Variants in CACTIN observed in about 807,000 individuals in gnomAD.
CACTIN encodes cactin, spliceosome C complex subunit, also known as splicing factor Cactin.
CACTIN carries 20 observed loss-of-function variants against 84.9 expected under a neutral mutation model. That is an observed-to-expected ratio of 0.24 (90% CI 0.17 to 0.34). The LOEUF is 0.34. Ranked by LOEUF, CACTIN falls within the 10% of genes least tolerant of loss-of-function variation. The probability of loss-of-function intolerance (pLI) is 1.00; values close to 1 mark genes in which losing one functional copy is unlikely to be tolerated. For missense variants in CACTIN, 897 were observed against 1,117.2 expected, an observed-to-expected ratio of 0.80 and a Z score of 2.81; for synonymous variants, 549 against 467.9, an observed-to-expected ratio of 1.17 and a Z score of -2.24.
intron 8 of CACTIN, 28 bp from the exon 9 acceptor site, chr19:3,613,393 G>A (rs2033020335): frequency 2.6e-6 from 4 of 1,533,780 alleles, no homozygotes; most frequent in Non-Finnish European, 2.6e-6. Context: ...TGGAGGCGCG[G>A]AGGCTGCCCA....
Position 3,615,815 on chromosome 19 carries a change from C to G in CACTIN, c.1163-1226G>C, listed in dbSNP as rs2033094026. On this transcript the variant is annotated intron_variant, in intron 6 of 9. Transcript: ENST00000429344. The surrounding 1 kb of genome is among the most constrained non-coding windows in gnomAD (Gnocchi z 5.2). ...GGATAGAGTCTAGACGGACCCGAGT[C>G]CCCTCCAGCCAATCACCTGGGACCC... is the stretch of plus-strand genomic sequence containing the variant. 6.6e-6 allele frequency: 1 copy of G among 152,198 alleles called. No homozygotes were observed. The highest frequency in any genetic ancestry group is 1.5e-5 in the Non-Finnish European group (1 of 68,066). 9.4% of individuals were successfully genotyped at this position (152,198 alleles called of 1,614,324 possible).
Position 3,610,827 on chromosome 19 carries a change from G to A in CACTIN, c.*1096C>T, listed in dbSNP as rs1337942282. The stretch of plus-strand genomic sequence containing the variant: ...TGGTCTGGGGCTGGTGACTGGTGAG[G>A]TTGGGTGGCCCTCTGGGGGTCCGGG... On this transcript the variant is annotated 3_prime_UTR_variant, in exon 10 of 10. Transcript: ENST00000429344. The A allele has an allele frequency of 2.2e-6, 1 of 456,736 alleles. No homozygotes were observed. The highest frequency in any genetic ancestry group is 2.0e-5 in the African/African-American group (1 of 50,082). The allele number at this position is 456,736 out of a possible 1,614,324, so 28.3% of individuals were successfully genotyped here.
rs1459093992 is a variant in CACTIN, at chr19:3,612,375, G to A, written c.1825C>T (p.Arg609Trp). The change falls in exon 10 of 10, where the codon CGG becomes TGG. Residue 609 changes from arginine to tryptophan, a missense_variant. By Grantham distance (101) the Arg-to-Trp change is moderately radical (BLOSUM62 -3). Around this residue, in one of 8 missense-constraint regions of CACTIN, gnomAD observed 243 missense variants for 239.9 expected, o/e 1.01. Transcript: ENST00000429344. ...SESAEDIFFRRAKEGMGQDEA... is the reference protein window; with the variant it reads ...SESAEDIFFRWAKEGMGQDEA... ...TCCTGGCCCATGCCCTCCTTGGCCC[G>A]CCGGAAGAAGATGTCCTCGGCGCTC... The A allele has an allele frequency of 6.2e-7, 1 of 1,604,996 alleles. No homozygotes were observed.
At position 3,610,846 on chromosome 19, in the gene CACTIN, G is replaced by T. The variant is rs1348752671; in HGVS notation, c.*1077C>A. ...GGTGAGGTTGGGTGGCCCTCTGGGG[G>T]TCCGGGAGGCACTTTCCGTTTTGCT... is the stretch of plus-strand genomic sequence containing the variant. On this transcript the variant is annotated 3_prime_UTR_variant, in exon 10 of 10. Transcript: ENST00000429344. The T allele has an allele frequency of 4.4e-6, 2 of 456,694 alleles. No homozygotes were observed. The highest frequency in any genetic ancestry group is 8.8e-6 in the Non-Finnish European group (2 of 226,998). 28.3% of individuals were successfully genotyped at this position (456,694 alleles called of 1,614,324 possible). A position where few individuals can be genotyped will look rare whatever the true frequency, so the allele number is the denominator to read the frequency against.
chr19:3,613,357 G>A lies in CACTIN; in HGVS notation c.1487C>T (p.Pro496Leu), dbSNP rs2033017878. 1.3e-6 allele frequency: 2 copies of A among 1,514,090 alleles called. No homozygotes were observed. Among genetic ancestry groups the A allele is most frequent in the East Asian group, 2.5e-5 (1 of 40,348 alleles). The allele number at this position is 1,514,090 out of a possible 1,614,324, so 93.8% of individuals were successfully genotyped here. The change falls in exon 9 of 10, where the codon CCT becomes CTT. Residue 496 changes from proline (P) to leucine (L), a missense_variant. Transcript: ENST00000429344. ...GGGCGGGGTGGGCGCCGCGTCCTCA[G>A]GCTCCAGGCTGGGAGGAGAGAGCGT... ...EPQSPSRSLE[P>L]EDAAPTPPGP...
intron 6 of CACTIN, among the ~76,000 whole-genome samples, chr19:3,618,184 G>GCA (rs2033146693): frequency 1.4e-5 from 2 of 147,278 alleles, no homozygotes; most frequent in South Asian, 2.3e-4. Flanking sequence ...GACCGGGGGG[G>GCA]GGGGGGGTCT....
chr19:3,626,331 A>T (rs1300799902), intron 1 of CACTIN, among the ~76,000 whole-genome samples: 2 of 152,204 alleles, frequency 1.3e-5, no homozygotes, highest in African/African-American at 4.8e-5. Flanking sequence ...TCGATATGAT[A>T]TGATCTGATC....
At chr19:3,612,889 GC>G (rs1306664161) in intron 9 of CACTIN, 168 bp downstream of exon 9, 3 of 832,994 alleles carry the variant, frequency 3.6e-6, no homozygotes, top group African/African-American at 3.4e-5. Context: ...ATGAAGGAAC[GC>G]CCCAGTGCGC....
chr19:3,614,034 G>T (rs1348845948), intron 7 of CACTIN: 1 of 478,086 alleles, frequency 2.1e-6, no homozygotes, highest in South Asian at 2.3e-5. Context: ...GCAGGCCTGG[G>T]CGCAAGGCAG....
intron 1 of CACTIN, 101 bp downstream of exon 1, chr19:3,626,495 G>A (rs2033336738): frequency 5.1e-6 from 6 of 1,180,542 alleles, no homozygotes; most frequent in Admixed American, 4.2e-5. Context: ...CCCTCCCCGA[G>A]TAAGTCGGGG....
At chr19:3,621,477 C>T (rs529367495) in intron 2 of CACTIN, among the ~76,000 whole-genome samples, 15 of 152,316 alleles carry the variant, frequency 9.8e-5, no homozygotes, top group African/African-American at 3.4e-4. Context: ...CCCCTGCCGC[C>T]CAGAACTTGC....
At chr19:3,621,308 CG>C (rs1302477423) in intron 2 of CACTIN, among the ~76,000 whole-genome samples, 2 of 152,202 alleles carry the variant, frequency 1.3e-5, no homozygotes, top group African/African-American at 2.4e-5. Flanking sequence ...GCCCACACAG[CG>C]GGGCACAGGG....
intron 3 of CACTIN, 108 bp downstream of exon 3, chr19:3,620,598 GC>G: frequency 1.2e-6 from 1 of 841,122 alleles, no homozygotes; most frequent in South Asian, 1.7e-5. Context: ...CTTACCTGAA[GC>G]CAGCCCCCAG....
intron 2 of CACTIN, among the ~76,000 whole-genome samples, chr19:3,623,371 T>C (rs2033264995): frequency 6.7e-6 from 1 of 149,060 alleles, no homozygotes; most frequent in Non-Finnish European, 1.5e-5. Context: ...CTACTAAAAA[T>C]ACAAAAAATT....
chr19:3,625,623 G>A (rs2033317621), intron 1 of CACTIN, among the ~76,000 whole-genome samples: 1 of 152,148 alleles, frequency 6.6e-6, no homozygotes, highest in Non-Finnish European at 1.5e-5. Context: ...CCCAGCTACC[G>A]GGGAGGCTGA....
In CACTIN at chr19:3,620,749, C is replaced by G. The variant is rs781522490; in HGVS notation, c.696G>C (p.Arg232=). The G allele has an allele frequency of 6.2e-7, 1 of 1,613,566 alleles. No homozygotes were observed. The highest frequency in any genetic ancestry group is 8.5e-7 in the Non-Finnish European group (1 of 1,179,888). ...SHLEEKELKE[R]NKRIQEDNRL... ...GGTTGTCCTCCTGGATCCTCTTGTT[C>G]CGCTCCTTCAGCTCCTTCTCCTCCA... Residue 232 remains arginine, a synonymous_variant, in exon 3 of 10, where the codon CGG becomes CGC. Transcript: ENST00000429344.
intron 6 of CACTIN, among the ~76,000 whole-genome samples, chr19:3,617,507 G>A (rs2033128002): frequency 6.6e-6 from 1 of 152,214 alleles, no homozygotes. Context: ...CGTGGTGGAG[G>A]CAGAAGGCCA....
chr19:3,613,778 G>A (rs2033037804), intron 7 of CACTIN, 192 bp from the exon 8 acceptor site: 3 of 711,360 alleles, frequency 4.2e-6, no homozygotes, highest in African/African-American at 1.8e-5. Context: ...ACGAGAGGAC[G>A]CAGGTACCCT....
intron 6 of CACTIN, among the ~76,000 whole-genome samples, chr19:3,617,431 C>G (rs191372658): frequency 6.6e-6 from 1 of 152,340 alleles, no homozygotes; most frequent in Admixed American, 6.5e-5. Flanking sequence ...CAAACTCCCT[C>G]GGAAGACACC....
Sources: gnomAD v4.1 joint callset for allele counts (sites outside exome capture counted in the v4.1 genomes callset) on GRCh38, gnomAD v4.1.1 for gene constraint, gnomAD v4.1.1 regional missense constraint, Gnocchi (gnomAD v3.1) non-coding constraint, MANE v1.5 for transcripts, NCBI Gene and HGNC (gene_info 2026-07-23, HGNC 2026-07-21) for gene names.